LRRC9: variants seen among roughly 807,000 people sequenced by gnomAD.
The protein encoded by LRRC9 is leucine-rich repeat-containing protein 9.
Under a neutral mutation model 63.2 loss-of-function variants are expected in LRRC9, and 122 were observed. The ratio of observed to expected loss-of-function variants is 1.93; its 90% CI spans 1.67 to 2.24. LRRC9 has a LOEUF of 2.24. LRRC9 is among the 30% of genes most tolerant of loss of function. LRRC9 has a pLI of 0.00. For missense variants in LRRC9, 1,071 were observed against 627.7 expected, an observed-to-expected ratio of 1.71 and a Z score of -7.55; for synonymous variants, 366 against 213.1, an observed-to-expected ratio of 1.72 and a Z score of -6.25.
intron 17 of LRRC9, among the ~76,000 whole-genome samples, chr14:59,995,221 G>A (rs1888630561): frequency 6.6e-6 from 1 of 152,128 alleles, no homozygotes; most frequent in African/African-American, 2.4e-5. Flanking sequence ...GTAATAAGCT[G>A]CATGTCTGTC....
At chr14:59,928,206 G>A in intron 2 of LRRC9, 62 bp from the exon 3 acceptor site, 1 of 563,378 alleles carries the variant, frequency 1.8e-6, no homozygotes, top group Non-Finnish European at 3.1e-6. Flanking sequence ...ATTTCTAATG[G>A]TAAAAGTCAT....
chr14:59,983,764 T>A (rs1887181281), intron 16 of LRRC9, among the ~76,000 whole-genome samples: 1 of 152,076 alleles, frequency 6.6e-6, no homozygotes, highest in African/African-American at 2.4e-5. Context: ...TTAGGATGGA[T>A]TTTGGAAGCC....
chr14:59,930,982 C>A lies in LRRC9; in HGVS notation c.332C>A (p.Ser111Tyr). 2 of 449,752 alleles carry A rather than the reference C, an allele frequency of 4.4e-6. No individual in the cohort carries two copies. Among genetic ancestry groups the A allele is most frequent in the South Asian group, 2.9e-5 (1 of 34,260 alleles). The allele number at this position is 449,752 out of a possible 1,614,324, so 27.9% of individuals were successfully genotyped here. Reference sequence around the variant, plus strand: ...CTATATTTATATTTTAATAAAATTTCCAAAATAGAAAATTTAGAGAAATTA... The same window carrying A: ...CTATATTTATATTTTAATAAAATTTACAAAATAGAAAATTTAGAGAAATTA... Residue 111 changes from serine to tyrosine, a missense_variant, in exon 4 of 32, where the codon TCC (serine) becomes TAC (tyrosine). By Grantham distance (144) the Ser-to-Tyr change is moderately radical. Coordinates refer to ENST00000445360, the Ensembl canonical transcript of LRRC9. This position sits in a 1 kb window ranked among gnomAD's most constrained non-coding sequence, Gnocchi z 4.9.
rs768345621 is a variant in LRRC9 at position 60,031,907 on chromosome 14, A to T, written c.3922-88A>T. ...TCAATCATGAGCTAGCTGCAAACTAACACTTACATATAATTACTTCAAATT... is the reference window on the plus strand; with the variant it reads ...TCAATCATGAGCTAGCTGCAAACTATCACTTACATATAATTACTTCAAATT... On this transcript the variant is annotated intron_variant, in intron 28 of 31. Transcript: ENST00000445360. This position sits in a 1 kb window ranked among gnomAD's most constrained non-coding sequence, Gnocchi z 4.6. 1.7e-5 allele frequency: 11 copies of T among 648,868 alleles called. No individual in the cohort carries two copies. The highest frequency in any genetic ancestry group is 2.8e-5 in the Non-Finnish European group (10 of 361,980). 40.2% of individuals were successfully genotyped at this position (648,868 alleles called of 1,614,324 possible).
At chr14:60,061,063 T>G (rs1212409155) in intron 31 of LRRC9, among the ~76,000 whole-genome samples, 1 of 152,198 alleles carries the variant, frequency 6.6e-6, no homozygotes, top group Non-Finnish European at 1.5e-5. Flanking sequence ...AGAAAGTGGT[T>G]TCTTGAGATG....
chr14:60,001,865 T>C (rs993138871), intron 19 of LRRC9, 101 bp from the exon 20 acceptor site: 9 of 429,872 alleles, frequency 2.1e-5, no homozygotes, highest in Non-Finnish European at 3.3e-5. Flanking sequence ...TAATTATTTA[T>C]TGGGCCACTC....
At chr14:60,035,076 T>G (rs1658687184) in intron 29 of LRRC9, among the ~76,000 whole-genome samples, 1 of 150,370 alleles carries the variant, frequency 6.7e-6, no homozygotes, top group African/African-American at 2.4e-5. Context: ...TTGGTTTGCA[T>G]TTCTCTGATT....
chr14:60,051,960 T>G lies in LRRC9; in HGVS notation c.3991-1105T>G, dbSNP rs2140432252. Among the ~76,000 whole-genome samples, 1 of 152,320 alleles carries G rather than the reference T, an allele frequency of 6.6e-6. No individual in the cohort carries two copies. The highest frequency in any genetic ancestry group is 2.1e-4 in the South Asian group (1 of 4,826). On this transcript the variant is annotated intron_variant, in intron 29 of 31. Transcript: ENST00000445360. The surrounding 1 kb of genome is among the most constrained non-coding windows in gnomAD (Gnocchi z 4.7). Reference sequence around the variant, plus strand: ...GGCTCTGTGCCACTCCCATGTGGGCTGTCACCCCACCCTGCTTTTCTTTGT... The same window carrying G: ...GGCTCTGTGCCACTCCCATGTGGGCGGTCACCCCACCCTGCTTTTCTTTGT...
intron 23 of LRRC9, among the ~76,000 whole-genome samples, chr14:60,011,842 G>A (rs770725975): frequency 2.0e-5 from 3 of 152,216 alleles, no homozygotes; most frequent in Non-Finnish European, 4.4e-5. Flanking sequence ...GGGGGTGTAA[G>A]ATGATTAGTA....
intron 7 of LRRC9, among the ~76,000 whole-genome samples, chr14:59,940,752 A>G (rs1471239687): frequency 6.6e-6 from 1 of 152,154 alleles, no homozygotes; most frequent in Non-Finnish European, 1.5e-5. Context: ...ATAGTTGAAT[A>G]TAATTCTGTT....
rs1889348847 is a variant in LRRC9, at chr14:59,927,947, A to T, written c.4A>T (p.Ile2Phe). The T allele has an allele frequency of 1.5e-6, 1 of 679,588 alleles. No individual in the cohort carries two copies. Among genetic ancestry groups the T allele is most frequent in the South Asian group, 1.6e-5 (1 of 61,996 alleles). 42.1% of individuals were successfully genotyped at this position (679,588 alleles called of 1,614,324 possible). ...TGATCACTGTTTTTAATGGAAGATG[A>T]TTGAAAGTGAAAACCTAAACCAAGA... The change falls in exon 2 of 32, where the codon ATT (isoleucine) becomes TTT (phenylalanine). Residue 2 changes from isoleucine to phenylalanine, a missense_variant. Coordinates refer to ENST00000445360, the Ensembl canonical transcript of LRRC9. This position sits in a 1 kb window ranked among gnomAD's most constrained non-coding sequence, Gnocchi z 4.4.
At chr14:60,048,355 GT>G (rs1487275765) in intron 29 of LRRC9, among the ~76,000 whole-genome samples, 18 of 152,006 alleles carry the variant, frequency 1.2e-4, no homozygotes, top group Non-Finnish European at 5.9e-5. Flanking sequence ...CCAGGACGTG[GT>G]TTTTTGAAAA....
intron 9 of LRRC9, among the ~76,000 whole-genome samples, chr14:59,960,273 G>A (rs1483656953): frequency 1.3e-5 from 2 of 152,186 alleles, no homozygotes; most frequent in Non-Finnish European, 2.9e-5. Context: ...TCCTATCACT[G>A]CTCTAGTGTC....
intron 26 of LRRC9, among the ~76,000 whole-genome samples, chr14:60,019,573 T>C (rs1396532165): frequency 1.3e-5 from 2 of 151,912 alleles, no homozygotes; most frequent in Non-Finnish European, 2.9e-5. Context: ...TTTTTAAAAA[T>C]TGAGGTACAA....
Position 59,990,155 on chromosome 14 carries a change from G to A in LRRC9, c.2211+4931G>A, listed in dbSNP as rs1566850671. Among the ~76,000 whole-genome samples the A allele has an allele frequency of 1.3e-5, 2 of 151,986 alleles. No homozygotes were observed. The highest frequency in any genetic ancestry group is 2.9e-5 in the Non-Finnish European group (2 of 67,978). Reference sequence around the variant, plus strand: ...TTGGTCAGGCTGGTCTTGAACTCCCGACTTCAGGTGATCTGCCCGCCTCGA... The same window carrying A: ...TTGGTCAGGCTGGTCTTGAACTCCCAACTTCAGGTGATCTGCCCGCCTCGA... On this transcript the variant is annotated intron_variant, in intron 17 of 31. Transcript: ENST00000445360. The surrounding 1 kb of genome is among the most constrained non-coding windows in gnomAD (Gnocchi z 4.2).
intron 15 of LRRC9, among the ~76,000 whole-genome samples, chr14:59,981,116 A>T (rs1464528146): frequency 6.6e-6 from 1 of 151,908 alleles, no homozygotes; most frequent in Admixed American, 6.6e-5. Context: ...CTCTATTTTT[A>T]AATTATTTGT....
chr14:60,027,593 G>A lies in LRRC9; in HGVS notation c.3704-291G>A, dbSNP rs915671802. ...TTCTATATCTACTTTTGTCAATACC[G>A]ACTATTTTAACACTTAATTACCAAA... On this transcript the variant is annotated intron_variant, in intron 27 of 31. Coordinates refer to ENST00000445360, the Ensembl canonical transcript of LRRC9. The surrounding 1 kb of genome is among the most constrained non-coding windows in gnomAD (Gnocchi z 4.0). Among the ~76,000 whole-genome samples, 6 of 151,804 alleles carry A rather than the reference G, an allele frequency of 4.0e-5. No individual in the cohort carries two copies. The highest frequency in any genetic ancestry group is 1.2e-4 in the African/African-American group (5 of 41,346).
intron 29 of LRRC9, among the ~76,000 whole-genome samples, chr14:60,043,259 T>TACCTTTTCAATTTGGATG (rs1164322311): frequency 6.6e-6 from 1 of 152,198 alleles, no homozygotes; most frequent in Non-Finnish European, 1.5e-5. Context: ...ATTTTGCTCC[T>TACCTTTTCAATTTGGATG]ACCTTTTCAA....
chr14:60,063,249 ATTACC>A, intron 31 of LRRC9, 69 bp from the exon 33 acceptor site: 1 of 672,066 alleles, frequency 1.5e-6, no homozygotes, highest in Non-Finnish European at 2.7e-6. Flanking sequence ...TTATTGCAGA[ATTACC>A]TTAAGTTAGC....
Sources: allele counts gnomAD v4.1 joint callset (sites outside exome capture counted in the v4.1 genomes callset), GRCh38; gene constraint gnomAD v4.1.1; non-coding constraint Gnocchi (gnomAD v3.1); transcripts MANE v1.5; gene names NCBI Gene and HGNC (gene_info 2026-07-23, HGNC 2026-07-21).